Variants in ZSCAN20 observed in about 807,000 individuals in gnomAD.
ZSCAN20 encodes zinc finger and SCAN domain containing 20.
Under a neutral mutation model 97.1 loss-of-function variants are expected in ZSCAN20, and 39 were observed. That is an observed-to-expected ratio of 0.40 (90% CI 0.31 to 0.52). The LOEUF is 0.52. ZSCAN20 is among the 20% of genes least tolerant of loss of function. The pLI is 0.49. For synonymous variants in ZSCAN20, 456 were observed against 467.3 expected (o/e 0.98, Z 0.31); for missense variants, 1,115 against 1,290.4 (o/e 0.86, Z 2.08).
chr1:33,490,863 T>C (rs1295485452), intron 5 of ZSCAN20, among the ~76,000 whole-genome samples, 162 bp from the exon 6 acceptor site: 1 of 152,202 alleles, frequency 6.6e-6, no homozygotes, highest in Admixed American at 6.5e-5. Context: ...ATTGGTCGTG[T>C]TACCTCTTCT....
chr1:33,493,625 G>C lies in ZSCAN20; in HGVS notation c.1873+10G>C, dbSNP rs752450333. The C allele has an allele frequency of 6.5e-7, 1 of 1,538,140 alleles. No individual in the cohort carries two copies. Among genetic ancestry groups the C allele is most frequent in the African/African-American group, 1.4e-5 (1 of 72,612 alleles). Reference sequence around the variant, plus strand: ...AAAGCCCCAGACATGGGTAAGCCTGGAGTAATTGGATGTTCTCAAAATCTG... The same window carrying C: ...AAAGCCCCAGACATGGGTAAGCCTGCAGTAATTGGATGTTCTCAAAATCTG... On this transcript the variant is annotated intron_variant, in intron 7 of 7. Coordinates refer to ENST00000684572, the MANE Select transcript of ZSCAN20 (RefSeq NM_001377376.1). The surrounding 1 kb of genome is among the most constrained non-coding windows in gnomAD (Gnocchi z 4.3).
rs2148488974 is a variant in ZSCAN20, at chr1:33,500,155, C to A, written c.*4679C>A. 6.6e-6 allele frequency among the ~76,000 whole-genome samples: 1 copy of A among 152,288 alleles called. No homozygotes were observed. Among genetic ancestry groups the A allele is most frequent in the Admixed American group, 6.5e-5 (1 of 15,298 alleles). On this transcript the variant is annotated 3_prime_UTR_variant, in exon 8 of 8. Transcript: ENST00000684572. ...TCTTTAGCATCATTTTGCCCTCCCT[C>A]TGACTTTCAGCAAGCCTGCACTTAC...
intron 5 of ZSCAN20, 23 bp downstream of exon 5, chr1:33,489,625 G>T (rs1285759410): frequency 6.2e-7 from 1 of 1,610,070 alleles, no homozygotes; most frequent in East Asian, 2.2e-5. Context: ...ACCCTCTGAA[G>T]GTGATGTTGT....
At chr1:33,474,065 G>A (rs1651832074) in intron 1 of ZSCAN20, among the ~76,000 whole-genome samples, 1 of 152,208 alleles carries the variant, frequency 6.6e-6, no homozygotes, top group African/African-American at 2.4e-5. Flanking sequence ...TTGCCAATGG[G>A]AGTTTAAGCC....
chr1:33,493,546 G>T lies in ZSCAN20; in HGVS notation c.1804G>T (p.Ala602Ser). ...TAGTGCTGAGACTGATGCCCAGGAG[G>T]CCTGGGGTGAAGTGGCCAATGAAGA... ...QSSAETDAQE[A>S]WGEVANEDAV... Residue 602 changes from alanine (A) to serine (S), a missense_variant, in exon 7 of 8, where the codon GCC becomes TCC. This residue lies in a region of ZSCAN20 where 554 missense variants were observed against 584.9 expected (regional missense o/e 0.95). Transcript: ENST00000684572. The surrounding 1 kb of genome is among the most constrained non-coding windows in gnomAD (Gnocchi z 4.3). 9 of 1,612,566 alleles carry T rather than the reference G, an allele frequency of 5.6e-6. No homozygotes were observed. Among genetic ancestry groups the T allele is most frequent in the Non-Finnish European group, 7.6e-6 (9 of 1,178,922 alleles).
Position 33,493,172 on chromosome 1 carries a change from C to G in ZSCAN20, c.1445-15C>G. 6.2e-7 allele frequency: 1 copy of G among 1,610,488 alleles called. No individual in the cohort carries two copies. Among genetic ancestry groups the G allele is most frequent in the South Asian group, 1.1e-5 (1 of 90,956 alleles). ...TCATTAAGTCTCACAGTTCTCAACT[C>G]TTCACTCCTGACAGCAGGTGTGCAC... On this transcript the variant is annotated splice_polypyrimidine_tract_variant and intron_variant, in intron 6 of 7. Coordinates refer to ENST00000684572, the MANE Select transcript of ZSCAN20 (RefSeq NM_001377376.1). This position sits in a 1 kb window ranked among gnomAD's most constrained non-coding sequence, Gnocchi z 4.3.
rs370289331 is a variant in ZSCAN20 at position 33,491,156 on chromosome 1, T to C, written c.898T>C (p.Leu300=). The C allele has an allele frequency of 5.0e-6, 8 of 1,613,858 alleles. No individual in the cohort carries two copies. In the African/African-American group the frequency reaches 1.1e-4, roughly 22 times the overall value. The change falls in exon 6 of 8, where the codon TTG becomes CTG. Residue 300 remains leucine, a synonymous_variant. Coordinates refer to ENST00000684572, the MANE Select transcript of ZSCAN20 (RefSeq NM_001377376.1). The surrounding 1 kb of genome is among the most constrained non-coding windows in gnomAD (Gnocchi z 4.3). ...CCTGGATAATGAGCCAGCTCAGGCATTGACCTGGAGGGATTCAAGAGCCTG... is the reference window on the plus strand; with the variant it reads ...CCTGGATAATGAGCCAGCTCAGGCACTGACCTGGAGGGATTCAAGAGCCTG... ...YSLDNEPAQA[L]TWRDSRAWEE... is the part of the protein sequence containing the mutation.
At position 33,476,471 on chromosome 1, in the gene ZSCAN20, T is replaced by C. The variant is rs79728381; in HGVS notation, c.-110-2708T>C. ...TGAGCTTTGGGCCTGGTGTGACTGCTAATTGCCTATTTTGTTGTAGTGTCC... is the reference window on the plus strand; with the variant it reads ...TGAGCTTTGGGCCTGGTGTGACTGCCAATTGCCTATTTTGTTGTAGTGTCC... On this transcript the variant is annotated intron_variant, in intron 1 of 7. Coordinates refer to ENST00000684572, the MANE Select transcript of ZSCAN20 (RefSeq NM_001377376.1). Among the ~76,000 whole-genome samples the C allele has an allele frequency of 9.7e-3, 1,481 of 152,348 alleles. 25 individuals are homozygous for C. Among genetic ancestry groups the C allele is most frequent in the African/African-American group, 0.033 (1,371 of 41,574 alleles).
chr1:33,484,521 T>G (rs936339420), intron 2 of ZSCAN20, among the ~76,000 whole-genome samples: 5 of 152,218 alleles, frequency 3.3e-5, no homozygotes, highest in Non-Finnish European at 7.3e-5. Flanking sequence ...GGACCAGGCT[T>G]GCATACCTGG....
Position 33,488,632 on chromosome 1 carries a change from A to G in ZSCAN20, c.585A>G (p.Pro195=). Reference sequence around the variant, plus strand: ...ATCACCTAAATGCCGAGGTGGCACCACAGCCTTTGAAAGAGAGTGGTGAGT... The same window carrying G: ...ATCACCTAAATGCCGAGGTGGCACCGCAGCCTTTGAAAGAGAGTGGTGAGT... ...LPNHLNAEVA[P]QPLKESAVLT... The change falls in exon 3 of 8, where the codon CCA becomes CCG. Residue 195 remains proline (P), a synonymous_variant. Coordinates refer to ENST00000684572, the MANE Select transcript of ZSCAN20 (RefSeq NM_001377376.1). The G allele has an allele frequency of 6.2e-7, 1 of 1,612,664 alleles. No homozygotes were observed. Among genetic ancestry groups the G allele is most frequent in the South Asian group, 1.1e-5 (1 of 90,836 alleles).
At position 33,493,565 on chromosome 1, in the gene ZSCAN20, A is replaced by G; in HGVS notation, c.1823A>G (p.Asn608Ser). 4 of 1,608,520 alleles carry G rather than the reference A, an allele frequency of 2.5e-6. No homozygotes were observed. Among genetic ancestry groups the G allele is most frequent in the African/African-American group, 1.3e-5 (1 of 74,880 alleles). Residue 608 changes from asparagine to serine, a missense_variant, in exon 7 of 8, where the codon AAT becomes AGT. Physicochemically the swap from Asn to Ser is conservative, Grantham distance 46 (BLOSUM62 1). Around this residue, in one of 3 missense-constraint regions of ZSCAN20, gnomAD observed 554 missense variants for 584.9 expected, o/e 0.95. Coordinates refer to ENST00000684572, the MANE Select transcript of ZSCAN20 (RefSeq NM_001377376.1). The surrounding 1 kb of genome is among the most constrained non-coding windows in gnomAD (Gnocchi z 4.3). Reference protein sequence around the residue: ...DAQEAWGEVANEDAVKPSTLC... With the variant: ...DAQEAWGEVASEDAVKPSTLC... ...CAGGAGGCCTGGGGTGAAGTGGCCA[A>G]TGAAGATGCTGTCAAACCTTCAACC...
intron 5 of ZSCAN20, 66 bp from the exon 6 acceptor site, chr1:33,490,959 G>A: frequency 6.9e-7 from 1 of 1,443,758 alleles, no homozygotes; most frequent in Non-Finnish European, 9.3e-7. Flanking sequence ...AAGTTTCAGG[G>A]AGATTTTGGA....
intron 5 of ZSCAN20, among the ~76,000 whole-genome samples, chr1:33,490,621 TA>T (rs1246405224): frequency 5.3e-5 from 8 of 150,448 alleles, no homozygotes; most frequent in African/African-American, 2.0e-4. Context: ...AATGGATGCC[TA>T]GCAGGACAGA....
Position 33,479,712 on chromosome 1 carries a change from CA to C in ZSCAN20, c.417+10del, listed in dbSNP as rs1292421801. The C allele has an allele frequency of 6.6e-7, 1 of 1,509,742 alleles. No homozygotes were observed. Among genetic ancestry groups the C allele is most frequent in the African/African-American group, 1.4e-5 (1 of 71,328 alleles). 93.5% of individuals were successfully genotyped at this position (1,509,742 alleles called of 1,614,324 possible). On this transcript the variant is annotated splice_region_variant and intron_variant, in intron 2 of 7. Transcript: ENST00000684572. ...CAGGACTGCAGGACAGTCGGTGAGACAAACAGTCTTCTCCTGCAGAGGAGTG... is the reference window on the plus strand; with the variant it reads ...CAGGACTGCAGGACAGTCGGTGAGACAACAGTCTTCTCCTGCAGAGGAGTG...
chr1:33,477,107 A>G (rs1471759346), intron 1 of ZSCAN20, among the ~76,000 whole-genome samples: 2 of 152,160 alleles, frequency 1.3e-5, no homozygotes, highest in Admixed American at 6.5e-5. Flanking sequence ...TGCTTTGGTG[A>G]TATAGGATCA....
At chr1:33,484,165 T>G (rs1442514768) in intron 2 of ZSCAN20, among the ~76,000 whole-genome samples, 3 of 152,230 alleles carry the variant, frequency 2.0e-5, no homozygotes, top group African/African-American at 7.2e-5. Flanking sequence ...AGTCTTTTTC[T>G]TTCTTCCCAA....
At position 33,496,996 on chromosome 1, in the gene ZSCAN20, T is replaced by C. The variant is rs889750400; in HGVS notation, c.*1520T>C. On this transcript the variant is annotated 3_prime_UTR_variant, in exon 8 of 8. Transcript: ENST00000684572. ...TGTTGACCAAGGACTTCGGTTTCCA[T>C]AGGACTTTAAAGGAAAATCCCCCTC... Among the ~76,000 whole-genome samples the C allele has an allele frequency of 4.6e-5, 7 of 152,224 alleles. No individual in the cohort carries two copies. The highest frequency in any genetic ancestry group is 7.2e-5 in the African/African-American group (3 of 41,458).
At position 33,491,153 on chromosome 1, in the gene ZSCAN20, G is replaced by C; in HGVS notation, c.895G>C (p.Ala299Pro). 1 of 1,614,122 alleles carries C rather than the reference G, an allele frequency of 6.2e-7. No individual in the cohort carries two copies. The highest frequency in any genetic ancestry group is 8.5e-7 in the Non-Finnish European group (1 of 1,180,022). Residue 299 changes from alanine (A) to proline (P), a missense_variant, in exon 6 of 8, where the codon GCA becomes CCA. Ala to Pro is a conservative substitution (Grantham distance 27, BLOSUM62 -1). Transcript: ENST00000684572. The surrounding 1 kb of genome is among the most constrained non-coding windows in gnomAD (Gnocchi z 4.3). ...DYSLDNEPAQALTWRDSRAWE... is the reference protein window; with the variant it reads ...DYSLDNEPAQPLTWRDSRAWE... ...CAGCCTGGATAATGAGCCAGCTCAG[G>C]CATTGACCTGGAGGGATTCAAGAGC... is the stretch of plus-strand genomic sequence containing the variant.
chr1:33,477,338 A>G (rs757984321), intron 1 of ZSCAN20, among the ~76,000 whole-genome samples: 1 of 152,198 alleles, frequency 6.6e-6, no homozygotes, highest in Non-Finnish European at 1.5e-5. Context: ...CAGATTGCCC[A>G]AAATGAAAAA....
Sources: gnomAD v4.1 joint callset for allele counts (sites outside exome capture counted in the v4.1 genomes callset) on GRCh38, gnomAD v4.1.1 for gene constraint, gnomAD v4.1.1 regional missense constraint, Gnocchi (gnomAD v3.1) non-coding constraint, MANE v1.5 for transcripts, NCBI Gene and HGNC (gene_info 2026-07-23, HGNC 2026-07-21) for gene names.